SAE1: variants seen among roughly 807,000 people sequenced by gnomAD.
SAE1 encodes SUMO-activating enzyme subunit 1.
A neutral mutation model predicts 40.6 loss-of-function variants in SAE1; 11 were observed. The observed-to-expected ratio is 0.27, with a 90% confidence interval of 0.17 to 0.45. The LOEUF (loss-of-function observed/expected upper bound fraction) is 0.45. Ranked by LOEUF, SAE1 falls within the 20% of genes least tolerant of loss-of-function variation. SAE1 has a pLI of 1.00. For missense variants in SAE1, 373 were observed against 427.3 expected (o/e 0.87, Z 1.12); for synonymous variants, 155 against 154.3 (o/e 1.00, Z -0.03).
intron 8 of SAE1, among the ~76,000 whole-genome samples, chr19:47,207,118 A>G (rs2058690584): frequency 6.6e-6 from 1 of 152,166 alleles, no homozygotes; most frequent in African/African-American, 2.4e-5. Context: ...CCTCATCTCT[A>G]CAAAAGTCCC....
At chr19:47,158,884 C>T (rs949923450) in intron 5 of SAE1, among the ~76,000 whole-genome samples, 1 of 152,132 alleles carries the variant, frequency 6.6e-6, no homozygotes, top group African/African-American at 2.4e-5. Flanking sequence ...AAGAGGGATA[C>T]CCCTGAAGTT....
intron 1 of SAE1, among the ~76,000 whole-genome samples, chr19:47,131,697 CTTTT>C (rs554165710): frequency 1.2e-5 from 1 of 84,140 alleles, no homozygotes; most frequent in Non-Finnish European, 2.3e-5. Context: ...TTAGGGAATT[CTTTT>C]TTTTTTTTTT....
At chr19:47,166,009 C>A (rs970799011) in intron 5 of SAE1, among the ~76,000 whole-genome samples, 1 of 152,216 alleles carries the variant, frequency 6.6e-6, no homozygotes, top group Admixed American at 6.5e-5. Context: ...CTGGCTGTCA[C>A]CTGTGGCTTT....
In SAE1 at chr19:47,152,929, T is replaced by C; in HGVS notation, c.416T>C (p.Ile139Thr). The change falls in exon 4 of 9, where the codon ATA becomes ACA. Residue 139 changes from isoleucine (I) to threonine (T), a missense_variant. This residue lies in a region of SAE1 where 351 missense variants were observed against 390.6 expected (regional missense o/e 0.90). Coordinates refer to ENST00000270225, the MANE Select transcript of SAE1 (RefSeq NM_005500.3). ...CTGACTTGCTGCTCCAGGGATGTCA[T>C]AGTTAAAGTTGACCAGATCTGTCAC... ...VCLTCCSRDV[I>T]VKVDQICHKN... 1.2e-6 allele frequency: 2 copies of C among 1,612,216 alleles called. No individual in the cohort carries two copies. The highest frequency in any genetic ancestry group is 1.7e-6 in the Non-Finnish European group (2 of 1,179,898).
intron 6 of SAE1, among the ~76,000 whole-genome samples, chr19:47,176,125 C>A (rs1044060473): frequency 6.6e-6 from 1 of 152,058 alleles, no homozygotes; most frequent in Non-Finnish European, 1.5e-5. Context: ...TGTGAAACAC[C>A]GGTTGGGAAC....
chr19:47,204,593 G>A (rs991314628), intron 8 of SAE1, among the ~76,000 whole-genome samples: 3 of 136,228 alleles, frequency 2.2e-5, no homozygotes, highest in African/African-American at 5.5e-5. Flanking sequence ...TGCAACCTCC[G>A]CCTCCTGGGT....
At chr19:47,172,946 G>A (rs1223846827) in intron 6 of SAE1, among the ~76,000 whole-genome samples, 1 of 152,122 alleles carries the variant, frequency 6.6e-6, no homozygotes, top group Admixed American at 6.6e-5. Context: ...GGAATTTAAA[G>A]TCAGTGGCTC....
At chr19:47,173,786 CTTTT>C (rs749843235) in intron 6 of SAE1, among the ~76,000 whole-genome samples, 2 of 141,028 alleles carry the variant, frequency 1.4e-5, no homozygotes, top group Non-Finnish European at 3.1e-5. Context: ...TCTTTCTTTT[CTTTT>C]TTTTTTTTTT....
At chr19:47,197,147 C>G in intron 6 of SAE1, 86 bp from the exon 7 acceptor site, 1 of 1,404,536 alleles carries the variant, frequency 7.1e-7, no homozygotes, top group East Asian at 2.3e-5. Context: ...TGCCATTGCA[C>G]TCCAGCCTGG....
At chr19:47,198,001 C>CA in intron 7 of SAE1, among the ~76,000 whole-genome samples, 1 of 152,222 alleles carries the variant, frequency 6.6e-6, no homozygotes, top group Non-Finnish European at 1.5e-5. Flanking sequence ...AGCATCCTCT[C>CA]ACTTGGACAC....
chr19:47,148,702 C>G (rs529996722), intron 2 of SAE1, among the ~76,000 whole-genome samples: 52 of 151,462 alleles, frequency 3.4e-4, no homozygotes, highest in Non-Finnish European at 6.3e-4. Flanking sequence ...GCAGCGTCTG[C>G]CTCCCAGGTT....
intron 8 of SAE1, among the ~76,000 whole-genome samples, chr19:47,208,540 A>G (rs2058697209): frequency 6.6e-6 from 1 of 152,082 alleles, no homozygotes; most frequent in Admixed American, 6.6e-5. Context: ...TCCTGGGTTC[A>G]AGCAATTCTC....
At chr19:47,145,097 G>A (rs1456966694) in intron 2 of SAE1, among the ~76,000 whole-genome samples, 1 of 152,012 alleles carries the variant, frequency 6.6e-6, no homozygotes, top group Non-Finnish European at 1.5e-5. Context: ...CTGCCTCCCA[G>A]GTTCAAGCAA....
In SAE1 at chr19:47,164,377, T is replaced by C. The variant is rs149021112; in HGVS notation, c.628-5441T>C. 9.0e-3 allele frequency among the ~76,000 whole-genome samples: 1,365 copies of C among 151,734 alleles called. 16 individuals carry two copies. The highest frequency in any genetic ancestry group is 0.026 in the East Asian group (130 of 5,062). Reference sequence around the variant, plus strand: ...TAGAGACGGGTTTCACCGTGTTAGCTAGGATGGTCTCCATCTGCTGACCTC... The same window carrying C: ...TAGAGACGGGTTTCACCGTGTTAGCCAGGATGGTCTCCATCTGCTGACCTC... On this transcript the variant is annotated intron_variant, in intron 5 of 8. Transcript: ENST00000270225.
At chr19:47,190,036 G>A (rs951340864) in intron 6 of SAE1, among the ~76,000 whole-genome samples, 2 of 152,106 alleles carry the variant, frequency 1.3e-5, no homozygotes, top group African/African-American at 4.8e-5. Context: ...ACCGTGCTTG[G>A]TTTCTCTTTT....
chr19:47,167,573 G>A (rs985558014), intron 5 of SAE1, among the ~76,000 whole-genome samples: 8 of 152,066 alleles, frequency 5.3e-5, no homozygotes, highest in Non-Finnish European at 5.9e-5. Context: ...AAATCTATAT[G>A]CATCCTTAGC....
intron 5 of SAE1, among the ~76,000 whole-genome samples, chr19:47,164,459 G>A (rs1486732702): frequency 2.0e-5 from 3 of 151,532 alleles, no homozygotes; most frequent in African/African-American, 4.9e-5. Context: ...GAGCCACCAC[G>A]TCTGGCCTGG....
intron 6 of SAE1, among the ~76,000 whole-genome samples, chr19:47,177,437 T>C (rs148141853): frequency 2.0e-5 from 3 of 152,318 alleles, no homozygotes; most frequent in African/African-American, 2.4e-5. Context: ...TAACTCACTA[T>C]AGCCTTGAAC....
intron 1 of SAE1, among the ~76,000 whole-genome samples, chr19:47,138,100 A>G (rs1282739630): frequency 2.7e-5 from 4 of 149,332 alleles, no homozygotes; most frequent in African/African-American, 9.9e-5. Flanking sequence ...CTGGAGTGCA[A>G]TGGCGTGATC....
Sources: allele counts gnomAD v4.1 joint callset (sites outside exome capture counted in the v4.1 genomes callset), GRCh38; gene constraint gnomAD v4.1.1; regional missense constraint gnomAD v4.1.1; transcripts MANE v1.5; gene names NCBI Gene and HGNC (gene_info 2026-07-23, HGNC 2026-07-21).